The following MAGI2 variants were observed in gnomAD, a reference collection of about 807,000 sequenced individuals.
MAGI2 encodes the protein membrane associated guanylate kinase, WW and PDZ domain containing 2.
MAGI2 carries 35 observed loss-of-function variants against 133.3 expected under a neutral mutation model. That is an observed-to-expected ratio of 0.26 (90% CI 0.20 to 0.35). The LOEUF is 0.35. Among genes scored for constraint, MAGI2 ranks in the 10% least tolerant of loss-of-function variants. MAGI2 has a pLI of 1.00. For missense variants in MAGI2, 1,636 were observed against 1,863.4 expected (o/e 0.88, Z 2.25); for synonymous variants, 729 against 710.6 (o/e 1.03, Z -0.41).
chr7:79,155,321 T>C (rs950513168), intron 1 of MAGI2, among the ~76,000 whole-genome samples: 4 of 152,184 alleles, frequency 2.6e-5, no homozygotes, highest in African/African-American at 9.7e-5. Context: ...TTGCTCAGTA[T>C]ATTTTACAAT....
At chr7:78,550,082 C>T (rs140276189) in intron 3 of MAGI2, among the ~76,000 whole-genome samples, 1 of 152,220 alleles carries the variant, frequency 6.6e-6, no homozygotes, top group Non-Finnish European at 1.5e-5. Flanking sequence ...TAGAAAGCAC[C>T]GTCTACAAAC....
chr7:79,408,746 T>TGGG, intron 1 of MAGI2, among the ~76,000 whole-genome samples: 1 of 151,910 alleles, frequency 6.6e-6, no homozygotes, highest in African/African-American at 2.4e-5. Context: ...AAAAAAGAGA[T>TGGG]GGGGGGGTCA....
At chr7:78,555,013 G>A (rs1011855903) in intron 3 of MAGI2, among the ~76,000 whole-genome samples, 2 of 151,898 alleles carry the variant, frequency 1.3e-5, no homozygotes, top group Non-Finnish European at 2.9e-5. Context: ...AAATCAGCCA[G>A]GTAAGGCAGC....
intron 2 of MAGI2, among the ~76,000 whole-genome samples, chr7:78,856,376 T>C (rs1793633364): frequency 6.6e-6 from 1 of 152,254 alleles, no homozygotes; most frequent in Admixed American, 6.5e-5. Context: ...AGGATTTTTA[T>C]GGTTTTAGGT....
At chr7:79,194,076 G>A (rs889047836) in intron 1 of MAGI2, among the ~76,000 whole-genome samples, 3 of 151,892 alleles carry the variant, frequency 2.0e-5, no homozygotes, top group African/African-American at 7.3e-5. Context: ...CAGCTGGTTG[G>A]AAAATTGAAA....
At chr7:79,367,445 C>T (rs77645590) in intron 1 of MAGI2, among the ~76,000 whole-genome samples, 19,603 of 152,034 alleles carry the variant, frequency 0.13, 1,381 homozygotes, top group Middle Eastern at 0.19. Flanking sequence ...GCTGATCAGG[C>T]AATGCAGCAG....
At chr7:78,310,390 A>C (rs373225608) in intron 9 of MAGI2, among the ~76,000 whole-genome samples, 10 of 152,202 alleles carry the variant, frequency 6.6e-5, no homozygotes, top group African/African-American at 2.2e-4. Flanking sequence ...AGCTGAGATC[A>C]CGTCACTGCA....
At chr7:78,995,534 C>A (rs1806209533) in intron 2 of MAGI2, among the ~76,000 whole-genome samples, 1 of 152,020 alleles carries the variant, frequency 6.6e-6, no homozygotes, top group South Asian at 2.1e-4. Flanking sequence ...AGTCAATCGA[C>A]CTTCACTCAA....
chr7:78,288,867 A>G (rs1026212727), intron 9 of MAGI2, among the ~76,000 whole-genome samples: 1 of 152,240 alleles, frequency 6.6e-6, no homozygotes, highest in Non-Finnish European at 1.5e-5. Context: ...AGCAAACTCT[A>G]ACAGACCTGC....
At chr7:78,858,544 C>G (rs1013949849) in intron 2 of MAGI2, among the ~76,000 whole-genome samples, 1 of 152,158 alleles carries the variant, frequency 6.6e-6, no homozygotes, top group Non-Finnish European at 1.5e-5. Context: ...TGTTCAGTTT[C>G]CATGTAGTTG....
At chr7:78,834,562 A>G (rs967393714) in intron 2 of MAGI2, among the ~76,000 whole-genome samples, 4 of 152,188 alleles carry the variant, frequency 2.6e-5, no homozygotes, top group South Asian at 2.1e-4. Flanking sequence ...GTATAAATAT[A>G]CCATATTGTA....
At chr7:78,059,452 C>T (rs1304991019) in intron 21 of MAGI2, among the ~76,000 whole-genome samples, 2 of 152,136 alleles carry the variant, frequency 1.3e-5, no homozygotes, top group Non-Finnish European at 2.9e-5. Flanking sequence ...TGTGACTTTA[C>T]CTTTTGGTAG....
chr7:79,260,153 A>G (rs920375566), intron 1 of MAGI2, among the ~76,000 whole-genome samples: 14 of 152,194 alleles, frequency 9.2e-5, no homozygotes, highest in African/African-American at 3.1e-4. Context: ...CAGGAGTTTG[A>G]TACCAGCCTG....
intron 1 of MAGI2, among the ~76,000 whole-genome samples, chr7:79,115,505 G>T (rs1819313320): frequency 1.3e-5 from 2 of 152,134 alleles, no homozygotes; most frequent in Non-Finnish European, 2.9e-5. Flanking sequence ...CTTGTCACTA[G>T]TTTCATTATG....
intron 9 of MAGI2, among the ~76,000 whole-genome samples, chr7:78,288,669 T>TC (rs1796394867): frequency 1.3e-5 from 2 of 152,256 alleles, no homozygotes; most frequent in South Asian, 4.1e-4. Context: ...GGTCCCTGAC[T>TC]CCCAAGTAGC....
intron 3 of MAGI2, among the ~76,000 whole-genome samples, chr7:78,538,778 T>G (rs1260338876): frequency 1.3e-5 from 2 of 152,216 alleles, no homozygotes; most frequent in African/African-American, 4.8e-5. Flanking sequence ...TTCAATCATA[T>G]CATTGGCAAA....
chr7:78,178,742 T>C (rs1297509118), intron 13 of MAGI2, among the ~76,000 whole-genome samples: 1 of 152,200 alleles, frequency 6.6e-6, no homozygotes. Context: ...AGGGTTTTTA[T>C]AACTTACAGG....
intron 21 of MAGI2, among the ~76,000 whole-genome samples, chr7:78,032,510 T>C (rs1809698449): frequency 6.6e-6 from 1 of 152,168 alleles, no homozygotes; most frequent in African/African-American, 2.4e-5. Flanking sequence ...CCATTGTGCC[T>C]AGCCAACAAC....
At chr7:78,708,817 A>C (rs1332085594) in intron 2 of MAGI2, among the ~76,000 whole-genome samples, 1 of 152,138 alleles carries the variant, frequency 6.6e-6, no homozygotes, top group Admixed American at 6.6e-5. Flanking sequence ...AGTAATTATC[A>C]GAGGCAAATG....
Sources: allele counts gnomAD v4.1 joint callset (sites outside exome capture counted in the v4.1 genomes callset), GRCh38; gene constraint gnomAD v4.1.1; transcripts MANE v1.5; gene names NCBI Gene and HGNC (gene_info 2026-07-23, HGNC 2026-07-21).